ELN: variants seen among roughly 807,000 people sequenced by gnomAD.
The protein encoded by ELN is tropoelastin.
In ELN, 65 loss-of-function variants were observed where a neutral mutation model predicts 105.8. The observed-to-expected ratio is 0.61, with a 90% CI of 0.50 to 0.75. The LOEUF is 0.75. Ranked by LOEUF, ELN falls within the 30% of genes least tolerant of loss-of-function variation. ELN has a pLI of 0.00. For missense variants in ELN, 882 were observed against 969.4 expected, an observed-to-expected ratio of 0.91 and a Z score of 1.20; for synonymous variants, 368 against 389.2, an observed-to-expected ratio of 0.95 and a Z score of 0.64.
rs1554679899 is a variant in ELN at position 74,056,450 on chromosome 7, C to T, written c.1315+15C>T. 6.2e-7 allele frequency: 1 copy of T among 1,613,330 alleles called. No individual in the cohort carries two copies. Among genetic ancestry groups the T allele is most frequent in the Admixed American group, 1.7e-5 (1 of 59,958 alleles). ...TGGCATTTCCCGTGAGCCTTAGTCA[C>T]ACCTGGGGACATGGGTTGAGAAGGG... On this transcript the variant is annotated intron_variant, in intron 20 of 32. Transcript: ENST00000252034.
Position 74,069,732 on chromosome 7 carries a change from G to T in ELN, c.*1032G>T. 4.4e-6 allele frequency: 1 copy of T among 228,588 alleles called. No individual in the cohort carries two copies. The highest frequency in any genetic ancestry group is 6.2e-5 in the East Asian group (1 of 16,112). The allele number at this position is 228,588 out of a possible 1,614,324, so 14.2% of individuals were successfully genotyped here. A position where few individuals can be genotyped will look rare whatever the true frequency, so the allele number is the denominator to read the frequency against. On this transcript the variant is annotated 3_prime_UTR_variant, in exon 33 of 33. Coordinates refer to ENST00000252034, the MANE Select transcript of ELN (RefSeq NM_000501.4). Reference sequence around the variant, plus strand: ...ATTCTCTTTTGGTTTTATTGTTGTGGTTCATTGAAAAAAAAAGATAATTTT... The same window carrying T: ...ATTCTCTTTTGGTTTTATTGTTGTGTTTCATTGAAAAAAAAAGATAATTTT...
chr7:74,047,001 T>G (rs993602815), intron 12 of ELN, among the ~76,000 whole-genome samples: 5 of 152,094 alleles, frequency 3.3e-5, no homozygotes, highest in Non-Finnish European at 7.4e-5. Context: ...GGAGAATCTC[T>G]TGAACCCAGA....
intron 22 of ELN, chr7:74,059,626 G>A (rs1371115269): frequency 1.9e-5 from 11 of 575,208 alleles, no homozygotes; most frequent in Non-Finnish European, 3.4e-5. Flanking sequence ...GGTGGTTGCA[G>A]TGAGTCGAGA....
At position 74,043,177 on chromosome 7, in the gene ELN, G is replaced by A. The variant is rs370752724; in HGVS notation, c.427+9G>A. 8.5e-5 allele frequency: 135 copies of A among 1,582,818 alleles called. No homozygotes were observed. The highest frequency in any genetic ancestry group is 5.7e-4 in the Admixed American group (31 of 54,080). On this transcript the variant is annotated intron_variant, in intron 8 of 32. Coordinates refer to ENST00000252034, the MANE Select transcript of ELN (RefSeq NM_000501.4). ...GCCTGGGAAAGTGCCGGGTCAGTGCGGAATCCCTGGGGCTGGAGGACAGAG... is the reference window on the plus strand; with the variant it reads ...GCCTGGGAAAGTGCCGGGTCAGTGCAGAATCCCTGGGGCTGGAGGACAGAG...
At position 74,055,168 on chromosome 7, in the gene ELN, A is replaced by G. The variant is rs547965046; in HGVS notation, c.1150+399A>G. On this transcript the variant is annotated intron_variant, in intron 19 of 32. Transcript: ENST00000252034. ...AGAGTGTCAGTAAAGGGCTGGGTGC[A>G]GTGGCTTACACCTGTAATCCCAGCA... 3.1e-4 allele frequency among the ~76,000 whole-genome samples: 47 copies of G among 152,390 alleles called. No homozygotes were observed. In the South Asian group the frequency reaches 7.4e-3, roughly 24 times the overall value.
In ELN at chr7:74,051,997, G is replaced by C. The variant is rs200929398; in HGVS notation, c.949+14G>C. 6.2e-7 allele frequency: 1 copy of C among 1,612,480 alleles called. No individual in the cohort carries two copies. On this transcript the variant is annotated intron_variant, in intron 17 of 32. Transcript: ENST00000252034. ...CAGCCAAGTATGGTGAGTGCCTCCC[G>C]GGGTGGCAAGTCCACGGCTCGGGCC...
intron 11 of ELN, 145 bp from the exon 12 acceptor site, chr7:74,046,551 T>C: frequency 2.4e-6 from 2 of 848,590 alleles, no homozygotes; most frequent in South Asian, 1.6e-5. Context: ...AACTGACCCA[T>C]GATGGAGATT....
At chr7:74,031,819 G>GGA (rs1169596003) in intron 1 of ELN, among the ~76,000 whole-genome samples, 20 of 145,828 alleles carry the variant, frequency 1.4e-4, no homozygotes, top group African/African-American at 2.5e-4. Flanking sequence ...GAGAGAGAAA[G>GGA]GAGAGAGAGA....
intron 1 of ELN, among the ~76,000 whole-genome samples, chr7:74,028,599 C>T (rs1218132523): frequency 2.0e-5 from 3 of 152,160 alleles, no homozygotes; most frequent in Non-Finnish European, 4.4e-5. Context: ...GAGGGCCCAG[C>T]GGGAACCCCT....
chr7:74,042,419 C>G (rs1389087735), intron 5 of ELN, among the ~76,000 whole-genome samples, 195 bp from the exon 6 acceptor site: 1 of 149,142 alleles, frequency 6.7e-6, no homozygotes, highest in African/African-American at 2.5e-5. Flanking sequence ...CAGAGTGAGA[C>G]CTTGTGTCAA....
chr7:74,041,071 A>G (rs1554668135), intron 4 of ELN, 145 bp from the exon 5 acceptor site: 7 of 999,382 alleles, frequency 7.0e-6, no homozygotes, highest in Non-Finnish European at 1.1e-5. Context: ...CTATTTTATC[A>G]GGATCGACCC....
rs551677725 is a variant in ELN at position 74,064,393 on chromosome 7, C to A, written c.1993+698C>A. ...TCGCGCCACTGCACTCCAGCCTGGG[C>A]GACAGAGCGAGACTCCGTCTCAAAA... On this transcript the variant is annotated intron_variant, in intron 29 of 32. Transcript: ENST00000252034. 3.5e-5 allele frequency among the ~76,000 whole-genome samples: 5 copies of A among 144,874 alleles called. No individual in the cohort carries two copies. The East Asian group carries it at 5.9e-4, about 17-fold the overall frequency.
rs868968936 is a variant in ELN at position 74,067,941 on chromosome 7, A to G, written c.2132-716A>G. Among the ~76,000 whole-genome samples the G allele has an allele frequency of 4.8e-3, 720 of 149,172 alleles. 1 individual carries two copies. Among genetic ancestry groups the G allele is most frequent in the Non-Finnish European group, 8.3e-3 (562 of 67,350 alleles). ...GCAAGACGATTGCGTCTCAAAAAAAAAAAAAAAAAAAAAAAAAAACCTTCA... is the reference window on the plus strand; with the variant it reads ...GCAAGACGATTGCGTCTCAAAAAAAGAAAAAAAAAAAAAAAAAAACCTTCA... On this transcript the variant is annotated intron_variant, in intron 32 of 32. Coordinates refer to ENST00000252034, the MANE Select transcript of ELN (RefSeq NM_000501.4).
intron 15 of ELN, among the ~76,000 whole-genome samples, chr7:74,049,673 C>A (rs1793457779): frequency 6.6e-6 from 1 of 151,134 alleles, no homozygotes; most frequent in Admixed American, 6.6e-5. Flanking sequence ...TCCATCCATT[C>A]CTCCATGCAT....
chr7:74,048,357 G>A (rs1793065458), intron 14 of ELN, 146 bp from the exon 15 acceptor site: 2 of 1,486,390 alleles, frequency 1.3e-6, no homozygotes, highest in Non-Finnish European at 9.4e-7. Flanking sequence ...GAGGAGTGGG[G>A]CAGCTCCATC....
intron 1 of ELN, among the ~76,000 whole-genome samples, chr7:74,028,758 C>T (rs536957405): frequency 6.6e-6 from 1 of 152,302 alleles, no homozygotes; most frequent in South Asian, 2.1e-4. Context: ...AAGCCGGGAT[C>T]CCCCCGTCAG....
At position 74,042,714 on chromosome 7, in the gene ELN, G is replaced by A. The variant is rs782367738; in HGVS notation, c.325+8G>A. ...ATAAAGCTGCTAAGGCTGGTGAGTG[G>A]TGCTCTTTGGGACATGCCACAAGCC... On this transcript the variant is annotated splice_region_variant and intron_variant, in intron 6 of 32. Coordinates refer to ENST00000252034, the MANE Select transcript of ELN (RefSeq NM_000501.4). The A allele has an allele frequency of 2.5e-6, 4 of 1,611,944 alleles. No homozygotes were observed. Among genetic ancestry groups the A allele is most frequent in the African/African-American group, 1.3e-5 (1 of 74,926 alleles).
chr7:74,054,336 G>T (rs976469815), intron 18 of ELN, among the ~76,000 whole-genome samples: 2 of 152,136 alleles, frequency 1.3e-5, no homozygotes, highest in African/African-American at 4.8e-5. Context: ...CAGGCATGGT[G>T]GTGGGTGCCT....
intron 21 of ELN, among the ~76,000 whole-genome samples, chr7:74,056,925 C>A (rs1361353057): frequency 3.3e-5 from 5 of 151,796 alleles, no homozygotes; most frequent in Middle Eastern, 3.4e-3. Context: ...GCTCATCACC[C>A]CACCCCCCAC....
Sources: allele counts gnomAD v4.1 joint callset (sites outside exome capture counted in the v4.1 genomes callset), GRCh38; gene constraint gnomAD v4.1.1; transcripts MANE v1.5; gene names NCBI Gene and HGNC (gene_info 2026-07-23, HGNC 2026-07-21).